BRD1: variants seen among roughly 807,000 people sequenced by gnomAD.
BRD1 encodes bromodomain containing 1, also known as bromodomain-containing protein 1.
Under a neutral mutation model 107.7 loss-of-function variants are expected in BRD1, and 24 were observed. The observed-to-expected ratio is 0.22, with a 90% confidence interval of 0.16 to 0.31. BRD1 has a LOEUF of 0.31. Ranked by LOEUF, BRD1 falls within the 10% of genes least tolerant of loss-of-function variation. BRD1 has a pLI of 1.00. For missense variants in BRD1, 1,279 were observed against 1,638.6 expected (o/e 0.78, Z 3.79); for synonymous variants, 744 against 686.1 (o/e 1.08, Z -1.32).
rs144715179 is a variant in BRD1 at position 49,787,394 on chromosome 22, G to A, written c.2853C>T (p.Asp951=). ...VEEESPGKRL[D]AGLTNGFGGA... The stretch of plus-strand genomic sequence containing the variant: ...AGGGCCGCCCGCGGCATTTACCTGC[G>A]TCCAGGCGCTTTCCTGGGGACTCCT... Residue 951 remains aspartate (D), a synonymous_variant, in exon 8 of 13, where the codon GAC becomes GAT. Transcript: ENST00000404760. 2.5e-5 allele frequency: 40 copies of A among 1,606,264 alleles called. No homozygotes were observed. Among genetic ancestry groups the A allele is most frequent in the African/African-American group, 1.5e-4 (11 of 73,598 alleles).
chr22:49,827,003 C>A (rs936388451), intron 1 of BRD1, among the ~76,000 whole-genome samples: 8 of 152,126 alleles, frequency 5.3e-5, no homozygotes, highest in African/African-American at 1.9e-4. Flanking sequence ...CAAGCCCGGC[C>A]GCCGCAGGCC....
In BRD1 at chr22:49,787,638, A is replaced by ACCGCGGAGGCCGCCGCCG; in HGVS notation, c.2591_2608dup (p.Ala864_Ala869dup). The ACCGCGGAGGCCGCCGCCG allele has an allele frequency of 6.4e-7, 1 of 1,550,794 alleles. No homozygotes were observed. Among genetic ancestry groups the ACCGCGGAGGCCGCCGCCG allele is most frequent in the Non-Finnish European group, 8.7e-7 (1 of 1,147,040 alleles). ...GTTTACATCGCTTGCTGGCTCCGCC[A>ACCGCGGAGGCCGCCGCCG]CCGCGGAGGCCGCCGCCGCCGGCAC... On this transcript the variant is annotated inframe_insertion, in exon 8 of 13. Transcript: ENST00000404760.
At chr22:49,825,416 C>G (rs984786353) in intron 1 of BRD1, among the ~76,000 whole-genome samples, 1 of 152,138 alleles carries the variant, frequency 6.6e-6, no homozygotes, top group Non-Finnish European at 1.5e-5. Context: ...AACCAGTGAG[C>G]TGCCTCCCAT....
In BRD1 at chr22:49,817,874, G is replaced by A. The variant is rs187698630; in HGVS notation, c.1367+5077C>T. Among the ~76,000 whole-genome samples the A allele has an allele frequency of 2.3e-3, 351 of 152,234 alleles. 2 individuals carry two copies. The highest frequency in any genetic ancestry group is 4.1e-3 in the South Asian group (20 of 4,820). On this transcript the variant is annotated intron_variant, in intron 2 of 12. Transcript: ENST00000404760. ...CACCCAGGCTGGAATACAAAGGTGC[G>A]ATCACAACTCACTGCAGCCTCGACC...
At position 49,793,006 on chromosome 22, in the gene BRD1, C is replaced by T. The variant is rs748788797; in HGVS notation, c.2359+1028G>A. ...GTCTTTGTTTTAAAAGAAAATTGTA[C>T]AACAATTCTGTGTCTTATTTCAACT... On this transcript the variant is annotated intron_variant, in intron 7 of 12. Coordinates refer to ENST00000404760, the MANE Select transcript of BRD1 (RefSeq NM_001304808.3). 3.9e-5 allele frequency among the ~76,000 whole-genome samples: 6 copies of T among 152,230 alleles called. 2 individuals carry two copies. The highest frequency in any genetic ancestry group is 3.9e-4 in the Admixed American group (6 of 15,282).
Position 49,824,544 on chromosome 22 carries a change from G to A in BRD1, c.-14-213C>T, listed in dbSNP as rs991243111. ...GGAGGGAGCAGCAGTAACAGGCAGAGAGGCAGCCTGAGGAGCCCTCCTGAG... is the reference window on the plus strand; with the variant it reads ...GGAGGGAGCAGCAGTAACAGGCAGAAAGGCAGCCTGAGGAGCCCTCCTGAG... On this transcript the variant is annotated intron_variant, in intron 1 of 12. Transcript: ENST00000404760. This position sits in a 1 kb window ranked among gnomAD's most constrained non-coding sequence, Gnocchi z 5.9. The A allele has an allele frequency of 7.2e-7, 1 of 1,382,662 alleles. No homozygotes were observed. The highest frequency in any genetic ancestry group is 9.4e-7 in the Non-Finnish European group (1 of 1,068,662). 85.6% of individuals were successfully genotyped at this position (1,382,662 alleles called of 1,614,324 possible).
At chr22:49,795,589 G>C (rs1466034495) in intron 6 of BRD1, among the ~76,000 whole-genome samples, 1 of 152,248 alleles carries the variant, frequency 6.6e-6, no homozygotes, top group Non-Finnish European at 1.5e-5. Context: ...CAGGGCCCTA[G>C]GGGCAAAGGA....
chr22:49,777,147 T>G lies in BRD1; in HGVS notation c.3008A>C (p.Lys1003Thr). The G allele has an allele frequency of 6.2e-7, 1 of 1,613,084 alleles. No individual in the cohort carries two copies. Among genetic ancestry groups the G allele is most frequent in the Non-Finnish European group, 8.5e-7 (1 of 1,179,954 alleles). ...PLCDSSFNAP[K>T]CGRGKPALVR... is the part of the protein sequence containing the mutation. Reference sequence around the variant, plus strand: ...AAGAGCCGGTTTGCCCCGCCCACATTTGGGCGCATTAAAGCTTCGGGAGGA... The same window carrying G: ...AAGAGCCGGTTTGCCCCGCCCACATGTGGGCGCATTAAAGCTTCGGGAGGA... Residue 1003 changes from lysine (K) to threonine (T), a missense_variant, in exon 10 of 13, where the codon AAA becomes ACA. By Grantham distance (78) the Lys-to-Thr change is moderately conservative (BLOSUM62 -1). Around this residue, in one of 7 missense-constraint regions of BRD1, gnomAD observed 263 missense variants for 251.6 expected, o/e 1.05. Transcript: ENST00000404760.
intron 7 of BRD1, among the ~76,000 whole-genome samples, chr22:49,789,451 C>A (rs1391134738): frequency 6.6e-6 from 1 of 152,084 alleles, no homozygotes; most frequent in Admixed American, 6.5e-5. Context: ...GGGCCTGGGG[C>A]CTCACTTCAC....
At chr22:49,787,299 A>T in intron 8 of BRD1, 91 bp downstream of exon 8, 2 of 544,632 alleles carry the variant, frequency 3.7e-6, no homozygotes, top group East Asian at 6.1e-5. Context: ...GAAGCTGGAC[A>T]CCCCCCCCCC....
At chr22:49,817,346 CT>C (rs2059973409) in intron 2 of BRD1, 1 of 195,758 alleles carries the variant, frequency 5.1e-6, no homozygotes, top group Non-Finnish European at 1.1e-5. Context: ...AAGGAACTTT[CT>C]TCATGTGAGA....
chr22:49,810,619 G>A (rs2147266230), intron 2 of BRD1, among the ~76,000 whole-genome samples: 1 of 152,314 alleles, frequency 6.6e-6, no homozygotes, highest in South Asian at 2.1e-4. Flanking sequence ...GAACTCTTAT[G>A]ACAACAGTAA....
chr22:49,821,444 C>T (rs541939785), intron 2 of BRD1, among the ~76,000 whole-genome samples: 20 of 152,226 alleles, frequency 1.3e-4, no homozygotes, highest in African/African-American at 4.6e-4. Context: ...AAGACAAACA[C>T]CTTGGTTTTG....
chr22:49,798,945 C>T (rs774775385), intron 4 of BRD1, 43 bp downstream of exon 4: 11 of 1,560,432 alleles, frequency 7.0e-6, no homozygotes, highest in South Asian at 1.2e-5. Context: ...ACCCACGCCC[C>T]GTGGCCAGTG....
intron 6 of BRD1, among the ~76,000 whole-genome samples, chr22:49,796,326 C>T (rs2059530979): frequency 6.6e-6 from 1 of 151,036 alleles, no homozygotes; most frequent in Non-Finnish European, 1.5e-5. Flanking sequence ...GACCTCCTGA[C>T]TTCGTGATCC....
At chr22:49,813,310 C>T (rs1390962569) in intron 2 of BRD1, among the ~76,000 whole-genome samples, 1 of 152,050 alleles carries the variant, frequency 6.6e-6, no homozygotes, top group Non-Finnish European at 1.5e-5. Flanking sequence ...CAACCTCTGC[C>T]TCCTGGCTTC....
Position 49,822,710 on chromosome 22 carries a change from CA to C in BRD1, c.1367+240del, listed in dbSNP as rs776786142. 5.8e-3 allele frequency among the ~76,000 whole-genome samples: 824 copies of C among 142,566 alleles called. 2 individuals carry two copies. Among genetic ancestry groups the C allele is most frequent in the African/African-American group, 0.019 (752 of 38,982 alleles). The allele number at this position is 142,566 out of a possible 152,430, so 93.5% of individuals were successfully genotyped here. A position where few individuals can be genotyped will look rare whatever the true frequency, so the allele number is the denominator to read the frequency against. ...GGGCGACAGAGTAAAACTCCGTCTC[CA>C]AAAAAAAAAACATAGAAAACTACAG... On this transcript the variant is annotated intron_variant, in intron 2 of 12. Coordinates refer to ENST00000404760, the MANE Select transcript of BRD1 (RefSeq NM_001304808.3).
Position 49,823,880 on chromosome 22 carries a change from C to T in BRD1, c.438G>A (p.Ser146=), listed in dbSNP as rs755306958. 4 of 1,614,208 alleles carry T rather than the reference C, an allele frequency of 2.5e-6. No homozygotes were observed. The highest frequency in any genetic ancestry group is 3.4e-6 in the Non-Finnish European group (4 of 1,180,044). The part of the protein sequence containing the change: ...PPVYYKFIEK[S]AEELDNEVEY... ...CCACCTCGTTGTCCAGTTCCTCGGC[C>T]GACTTCTCGATGAACTTGTAGTACA... The change falls in exon 2 of 13, where the codon TCG becomes TCA. Residue 146 remains serine, a synonymous_variant. Coordinates refer to ENST00000404760, the MANE Select transcript of BRD1 (RefSeq NM_001304808.3).
intron 1 of BRD1, among the ~76,000 whole-genome samples, chr22:49,827,039 C>A (rs1227435569): frequency 6.6e-6 from 1 of 151,962 alleles, no homozygotes. Context: ...GATCTCGGGG[C>A]GCGTCCCTGC....
Sources: gnomAD v4.1 joint callset for allele counts (sites outside exome capture counted in the v4.1 genomes callset) on GRCh38, gnomAD v4.1.1 for gene constraint, gnomAD v4.1.1 regional missense constraint, Gnocchi (gnomAD v3.1) non-coding constraint, MANE v1.5 for transcripts, NCBI Gene and HGNC (gene_info 2026-07-23, HGNC 2026-07-21) for gene names.